The following EPHB1 variants were observed in gnomAD, a reference collection of about 807,000 sequenced individuals.
The protein encoded by EPHB1 is ephrin type-B receptor 1.
EPHB1 carries 30 observed loss-of-function variants against 94.4 expected under a neutral mutation model. That is an observed-to-expected ratio of 0.32 (90% CI 0.24 to 0.43). The LOEUF (loss-of-function observed/expected upper bound fraction) is 0.43. Among genes scored for constraint, EPHB1 ranks in the 20% least tolerant of loss-of-function variants. The probability of loss-of-function intolerance (pLI) is 1.00; values close to 1 mark genes in which losing one functional copy is unlikely to be tolerated. For missense variants in EPHB1, 1,055 were observed against 1,308.3 expected (o/e 0.81, Z 2.99); for synonymous variants, 522 against 489.1 (o/e 1.07, Z -0.89).
At chr3:135,058,382 G>T (rs1237186232) in intron 3 of EPHB1, among the ~76,000 whole-genome samples, 3 of 152,172 alleles carry the variant, frequency 2.0e-5, no homozygotes, top group Non-Finnish European at 4.4e-5. Flanking sequence ...TCCCTGCTAC[G>T]AATGGGCCCC....
chr3:135,213,542 A>T (rs1243858165), intron 12 of EPHB1, among the ~76,000 whole-genome samples: 1 of 152,214 alleles, frequency 6.6e-6, no homozygotes, highest in East Asian at 1.9e-4. Context: ...AAAAGAGGGC[A>T]TGCACATACC....
chr3:135,108,902 A>G (rs1939330295), intron 4 of EPHB1, among the ~76,000 whole-genome samples: 1 of 152,168 alleles, frequency 6.6e-6, no homozygotes, highest in Non-Finnish European at 1.5e-5. Flanking sequence ...CTCCCTGAAT[A>G]AAGACAGACT....
chr3:135,101,394 G>A (rs999448392), intron 3 of EPHB1, among the ~76,000 whole-genome samples: 7 of 148,726 alleles, frequency 4.7e-5, no homozygotes, highest in East Asian at 2.0e-4. Flanking sequence ...TTTTTAATGC[G>A]ACACAGTCTC....
chr3:135,007,124 G>A (rs1935446299), intron 3 of EPHB1, among the ~76,000 whole-genome samples: 1 of 152,168 alleles, frequency 6.6e-6, no homozygotes, highest in African/African-American at 2.4e-5. Flanking sequence ...CTCCTTTTCA[G>A]TTTCCCACTA....
At chr3:135,170,057 C>T (rs1941763013) in intron 9 of EPHB1, among the ~76,000 whole-genome samples, 9 of 152,198 alleles carry the variant, frequency 5.9e-5, no homozygotes, top group Admixed American at 5.9e-4. Context: ...TTGCAGACAG[C>T]AATTGGAGCT....
chr3:134,929,570 T>A (rs2038864269), intron 2 of EPHB1, among the ~76,000 whole-genome samples: 1 of 152,152 alleles, frequency 6.6e-6, no homozygotes, highest in Non-Finnish European at 1.5e-5. Flanking sequence ...GGGCTGAGGA[T>A]GCTGGCACCT....
chr3:134,966,755 T>C (rs1024094580), intron 3 of EPHB1, among the ~76,000 whole-genome samples: 1 of 152,252 alleles, frequency 6.6e-6, no homozygotes, highest in African/African-American at 2.4e-5. Flanking sequence ...CTATTCTTGG[T>C]TCACCTAGTG....
chr3:135,047,082 C>A (rs1937019695), intron 3 of EPHB1, among the ~76,000 whole-genome samples: 1 of 152,094 alleles, frequency 6.6e-6, no homozygotes, highest in African/African-American at 2.4e-5. Flanking sequence ...CTTATGTTTT[C>A]TTCTCTCCTT....
chr3:134,966,857 G>A (rs983627747), intron 3 of EPHB1, among the ~76,000 whole-genome samples: 1 of 152,246 alleles, frequency 6.6e-6, no homozygotes, highest in Non-Finnish European at 1.5e-5. Context: ...CATGGCCAGG[G>A]GAATGGCAGT....
At chr3:135,245,191 T>C (rs1257117382) in intron 13 of EPHB1, among the ~76,000 whole-genome samples, 1 of 152,192 alleles carries the variant, frequency 6.6e-6, no homozygotes, top group Non-Finnish European at 1.5e-5. Flanking sequence ...TGAGGATTCA[T>C]CCTACTACTC....
intron 3 of EPHB1, among the ~76,000 whole-genome samples, chr3:135,005,153 C>T (rs1189347895): frequency 1.3e-5 from 2 of 152,170 alleles, no homozygotes; most frequent in Non-Finnish European, 2.9e-5. Flanking sequence ...GATGTCCTTT[C>T]TGTTTGTTAG....
rs1315091370 is a variant in EPHB1, at chr3:135,166,984, C to T, written c.1737C>T (p.Leu579=). The T allele has an allele frequency of 6.2e-7, 1 of 1,614,144 alleles. No individual in the cohort carries two copies. Among genetic ancestry groups the T allele is most frequent in the Admixed American group, 1.7e-5 (1 of 60,018 alleles). The part of the protein sequence containing the change: ...YSKEAVYSDK[L]QHYSTGRGSP... ...AAGAGGCTGTGTACAGCGATAAGCT[C>T]CAGCATTACAGCACAGGCCGAGGTA... The change falls in exon 9 of 16, where the codon CTC becomes CTT. Residue 579 remains leucine (L), a synonymous_variant. Transcript: ENST00000398015.
chr3:134,938,269 A>C (rs1158975219), intron 2 of EPHB1, among the ~76,000 whole-genome samples: 2 of 152,116 alleles, frequency 1.3e-5, no homozygotes, highest in Non-Finnish European at 2.9e-5. Context: ...TGCCTGGTGG[A>C]GGTTACAGTG....
intron 3 of EPHB1, among the ~76,000 whole-genome samples, chr3:134,981,010 A>G (rs1401443924): frequency 6.6e-6 from 1 of 152,194 alleles, no homozygotes; most frequent in Non-Finnish European, 1.5e-5. Context: ...GCCTTAATCA[A>G]GGGATATAAG....
chr3:135,217,091 G>A (rs540990906), intron 12 of EPHB1, among the ~76,000 whole-genome samples: 1 of 152,186 alleles, frequency 6.6e-6, no homozygotes, highest in African/African-American at 2.4e-5. Context: ...TAGCCTTAGG[G>A]GCCATTCCCT....
chr3:135,112,198 G>A (rs1939474764), intron 4 of EPHB1, among the ~76,000 whole-genome samples: 1 of 152,224 alleles, frequency 6.6e-6, no homozygotes. Context: ...AGGGTAGCCA[G>A]TGTAAATGGG....
intron 1 of EPHB1, among the ~76,000 whole-genome samples, chr3:134,882,690 T>C (rs1031067795): frequency 6.6e-6 from 1 of 151,740 alleles, no homozygotes; most frequent in Admixed American, 6.6e-5. Context: ...CTTTCCTTCT[T>C]CTTTCCTTCT....
chr3:134,963,911 A>G (rs36128), intron 3 of EPHB1, among the ~76,000 whole-genome samples: 101,285 of 152,108 alleles, frequency 0.67, 35,985 homozygotes, highest in African/African-American at 0.92. Flanking sequence ...GAACCAGGAA[A>G]TTCATGGAGT....
chr3:135,230,548 A>T (rs1026337314), intron 12 of EPHB1, among the ~76,000 whole-genome samples: 37 of 152,232 alleles, frequency 2.4e-4, no homozygotes, highest in African/African-American at 8.4e-4. Context: ...ATTATTTTTT[A>T]TTTTTATTAG....
Sources: allele counts gnomAD v4.1 joint callset (sites outside exome capture counted in the v4.1 genomes callset), GRCh38; gene constraint gnomAD v4.1.1; transcripts MANE v1.5; gene names NCBI Gene and HGNC (gene_info 2026-07-23, HGNC 2026-07-21).